Variants in NWD2 observed in about 807,000 individuals in gnomAD.
NWD2 encodes the protein NACHT and WD repeat domain-containing protein 2.
NWD2 carries 37 observed loss-of-function variants against 132.7 expected under a neutral mutation model. The ratio of observed to expected loss-of-function variants is 0.28; its 90% CI spans 0.21 to 0.37. The LOEUF (loss-of-function observed/expected upper bound fraction) is 0.37. Among genes scored for constraint, NWD2 ranks in the 10% least tolerant of loss-of-function variants. The pLI, the probability that NWD2 is intolerant of heterozygous loss-of-function variation, is 1.00. For missense variants in NWD2, 1,592 were observed against 2,122.4 expected (o/e 0.75, Z 4.91); for synonymous variants, 705 against 803.0 (o/e 0.88, Z 2.06).
intron 3 of NWD2, among the ~76,000 whole-genome samples, chr4:37,383,313 A>G (rs1720493352): frequency 6.6e-6 from 1 of 152,172 alleles, no homozygotes; most frequent in African/African-American, 2.4e-5. Context: ...TTTCTAAGAT[A>G]TCTCTTTAGA....
In NWD2 at chr4:37,364,691, T is replaced by TACACACACAC. The variant is rs57981065; in HGVS notation, c.357+8234_357+8243dup. Among the ~76,000 whole-genome samples the TACACACACAC allele has an allele frequency of 3.8e-3, 564 of 146,682 alleles. 1 individual carries two copies. The highest frequency in any genetic ancestry group is 0.013 in the African/African-American group (524 of 39,500). ...GTCAGAGCAGACTTCTACCTCCACTTACACACACACACACACACACACACA... is the reference window on the plus strand; with the variant it reads ...GTCAGAGCAGACTTCTACCTCCACTTACACACACACACACACACACACACACACACACACA... On this transcript the variant is annotated intron_variant, in intron 3 of 6. Coordinates refer to ENST00000309447, the MANE Select transcript of NWD2 (RefSeq NM_001144990.2).
chr4:37,366,938 G>A (rs536014349), intron 3 of NWD2, among the ~76,000 whole-genome samples: 3 of 152,098 alleles, frequency 2.0e-5, no homozygotes, highest in East Asian at 1.9e-4. Context: ...AAACAAATCC[G>A]TAAGTATGTA....
At chr4:37,424,622 C>A (rs1448123397) in intron 3 of NWD2, among the ~76,000 whole-genome samples, 1 of 152,204 alleles carries the variant, frequency 6.6e-6, no homozygotes, top group East Asian at 1.9e-4. Context: ...CTTGTTACAG[C>A]ACCAGTTTGT....
chr4:37,246,751 A>C (rs1382875587), intron 1 of NWD2, among the ~76,000 whole-genome samples: 2 of 152,234 alleles, frequency 1.3e-5, no homozygotes. Context: ...TAAAAAAGTC[A>C]TGTGAAATGT....
In NWD2 at chr4:37,325,921, G is replaced by A. The variant is rs888501727; in HGVS notation, c.152-15G>A. On this transcript the variant is annotated splice_polypyrimidine_tract_variant and intron_variant, in intron 1 of 6. Transcript: ENST00000309447. ...GGACATACTCACTTCCTGTGTGTTT[G>A]TCTTTCTACTACAGATACGGGAGCA... is the stretch of plus-strand genomic sequence containing the variant. 6.7e-6 allele frequency: 10 copies of A among 1,495,886 alleles called. No homozygotes were observed. In the East Asian group the frequency reaches 2.2e-4, roughly 33 times the overall value. 92.7% of individuals were successfully genotyped at this position (1,495,886 alleles called of 1,614,324 possible).
In NWD2 at chr4:37,445,315, T is replaced by C; in HGVS notation, c.3327T>C (p.Asp1109=). The stretch of plus-strand genomic sequence containing the variant: ...TGACGTGCGTCCAGTGCTCCCTGGA[T>C]GGTCTGTATGCTTTCTGTGGCCAAT... The part of the protein sequence containing the change: ...YEVTCVQCSL[D]GLYAFCGQYL... The change falls in exon 7 of 7, where the codon GAT becomes GAC. Residue 1109 remains aspartate, a synonymous_variant. Transcript: ENST00000309447. The surrounding 1 kb of genome is among the most constrained non-coding windows in gnomAD (Gnocchi z 4.7). 6.4e-7 allele frequency: 1 copy of C among 1,552,144 alleles called. No individual in the cohort carries two copies. The highest frequency in any genetic ancestry group is 8.7e-7 in the Non-Finnish European group (1 of 1,147,094).
intron 1 of NWD2, among the ~76,000 whole-genome samples, chr4:37,305,367 C>T (rs180990915): frequency 6.6e-6 from 1 of 152,330 alleles, no homozygotes; most frequent in Non-Finnish European, 1.5e-5. Flanking sequence ...TTTACTTATG[C>T]AGATTTCTGC....
At chr4:37,437,591 G>C (rs1240245483) in intron 5 of NWD2, among the ~76,000 whole-genome samples, 1 of 152,152 alleles carries the variant, frequency 6.6e-6, no homozygotes, top group Non-Finnish European at 1.5e-5. Context: ...TATAAAAGGT[G>C]TTCAATGAAG....
Position 37,446,045 on chromosome 4 carries a change from G to A in NWD2, c.4057G>A (p.Val1353Ile). 1 of 1,551,820 alleles carries A rather than the reference G, an allele frequency of 6.4e-7. No homozygotes were observed. The highest frequency in any genetic ancestry group is 8.7e-7 in the Non-Finnish European group (1 of 1,147,010). Reference protein sequence around the residue: ...WNFSSGFIEAVFKHEGIVEHC... With the variant: ...WNFSSGFIEAIFKHEGIVEHC... ...CTTCAGCAGTGGCTTCATCGAAGCA[G>A]TATTCAAGCATGAAGGAATAGTTGA... The change falls in exon 7 of 7, where the codon GTA (valine) becomes ATA (isoleucine). Residue 1353 changes from valine (V) to isoleucine (I), a missense_variant. Around this residue, in one of 7 missense-constraint regions of NWD2, gnomAD observed 1,071 missense variants for 1,398.0 expected, o/e 0.77. Coordinates refer to ENST00000309447, the MANE Select transcript of NWD2 (RefSeq NM_001144990.2). The surrounding 1 kb of genome is among the most constrained non-coding windows in gnomAD (Gnocchi z 6.7).
intron 3 of NWD2, among the ~76,000 whole-genome samples, chr4:37,400,796 G>A (rs1431705339): frequency 2.0e-5 from 3 of 152,298 alleles, no homozygotes; most frequent in African/African-American, 7.2e-5. Context: ...TAGTTATATT[G>A]TTTTGCTGTG....
intron 4 of NWD2, 131 bp from the exon 5 acceptor site, chr4:37,433,745 C>A: frequency 1.7e-6 from 1 of 603,334 alleles, no homozygotes; most frequent in Non-Finnish European, 2.7e-6. Context: ...TTAAATTAGA[C>A]ACTGTCTGTA....
At chr4:37,421,415 G>A (rs545518761) in intron 3 of NWD2, among the ~76,000 whole-genome samples, 164 of 152,292 alleles carry the variant, frequency 1.1e-3, no homozygotes, top group African/African-American at 3.7e-3. Context: ...AAGAATAATG[G>A]TTGTGTTCAG....
chr4:37,276,236 C>T (rs1240430075), intron 1 of NWD2, among the ~76,000 whole-genome samples: 1 of 152,078 alleles, frequency 6.6e-6, no homozygotes, highest in African/African-American at 2.4e-5. Context: ...CTACAATGAA[C>T]TCAAACAACT....
intron 3 of NWD2, among the ~76,000 whole-genome samples, chr4:37,417,412 A>G (rs1271971806): frequency 6.6e-6 from 1 of 152,146 alleles, no homozygotes; most frequent in Non-Finnish European, 1.5e-5. Flanking sequence ...ATTTTAAAAT[A>G]AAAAACATAT....
At chr4:37,288,260 A>C (rs1403025932) in intron 1 of NWD2, among the ~76,000 whole-genome samples, 2 of 152,246 alleles carry the variant, frequency 1.3e-5, no homozygotes. Flanking sequence ...TTGCACGTGT[A>C]TCTCAGAACT....
intron 1 of NWD2, among the ~76,000 whole-genome samples, chr4:37,296,522 G>A (rs566645287): frequency 6.6e-6 from 1 of 152,184 alleles, no homozygotes; most frequent in African/African-American, 2.4e-5. Context: ...AGAAAATAAC[G>A]AAATAATGTC....
intron 3 of NWD2, among the ~76,000 whole-genome samples, chr4:37,408,961 A>G (rs924375147): frequency 3.9e-5 from 6 of 152,214 alleles, no homozygotes; most frequent in African/African-American, 1.4e-4. Flanking sequence ...AGGAAAACTA[A>G]CAAACAGGAA....
intron 1 of NWD2, among the ~76,000 whole-genome samples, chr4:37,260,890 A>T (rs923598829): frequency 2.0e-5 from 3 of 152,202 alleles, no homozygotes; most frequent in African/African-American, 7.2e-5. Context: ...CATACAACAC[A>T]TGATACAGGG....
At chr4:37,390,528 G>A (rs753945924) in intron 3 of NWD2, among the ~76,000 whole-genome samples, 19 of 151,968 alleles carry the variant, frequency 1.3e-4, no homozygotes, top group Non-Finnish European at 2.1e-4. Context: ...TTGAAAATAC[G>A]ATTGCTTTGT....
Sources: gnomAD v4.1 joint callset for allele counts (sites outside exome capture counted in the v4.1 genomes callset) on GRCh38, gnomAD v4.1.1 for gene constraint, gnomAD v4.1.1 regional missense constraint, Gnocchi (gnomAD v3.1) non-coding constraint, MANE v1.5 for transcripts, NCBI Gene and HGNC (gene_info 2026-07-23, HGNC 2026-07-21) for gene names.